FBN3: variants seen among roughly 807,000 people sequenced by gnomAD.
The protein encoded by FBN3 is fibrillin-3.
Under a neutral mutation model 330.1 loss-of-function variants are expected in FBN3, and 234 were observed. That is an observed-to-expected ratio of 0.71 (90% CI 0.64 to 0.79). The LOEUF (loss-of-function observed/expected upper bound fraction) is 0.79. Ranked by LOEUF, FBN3 falls within the 30% of genes least tolerant of loss-of-function variation. The pLI is 0.00. For synonymous variants in FBN3, 1,458 were observed against 1,517.3 expected (o/e 0.96, Z 0.91); for missense variants, 3,606 against 3,886.9 (o/e 0.93, Z 1.92).
At position 8,115,588 on chromosome 19, in the gene FBN3, C is replaced by A. The variant is rs1176922994; in HGVS notation, c.3765G>T (p.Glu1255Asp). 1 of 1,614,106 alleles carries A rather than the reference C, an allele frequency of 6.2e-7. No homozygotes were observed. Among genetic ancestry groups the A allele is most frequent in the Non-Finnish European group, 8.5e-7 (1 of 1,180,014 alleles). Residue 1255 changes from glutamate to aspartate, a missense_variant, in exon 30 of 64, where the codon GAG (glutamate) becomes GAT (aspartate). Glu to Asp is a conservative substitution (Grantham distance 45, BLOSUM62 2). Coordinates refer to ENST00000600128, the MANE Select transcript of FBN3 (RefSeq NM_032447.5). ...GGCAGACAAAGGAACCCTTCGTGTT[C>A]TCGCAGTCCCCATGGAGGCAGATGT... ...NPHICLHGDC[E>D]NTKGSFVCHC...
chr19:8,075,228 G>C, intron 60 of FBN3, 38 bp from the exon 61 acceptor site: 1 of 1,577,058 alleles, frequency 6.3e-7, no homozygotes, highest in South Asian at 1.2e-5. Context: ...TTTACCAGAC[G>C]GCTCTCAGGA....
rs753776339 is a variant in FBN3, at chr19:8,116,823, G to A, written c.3587-24C>T. 2.1e-5 allele frequency: 34 copies of A among 1,609,750 alleles called. No homozygotes were observed. The South Asian group carries it at 3.0e-4, about 14-fold the overall frequency. On this transcript the variant is annotated intron_variant, in intron 28 of 63. Coordinates refer to ENST00000600128, the MANE Select transcript of FBN3 (RefSeq NM_032447.5). The stretch of plus-strand genomic sequence containing the variant: ...GTCTGGGGGAGCAGGGTTGGGGACT[G>A]TGCTTAGCTTTGCCCTGATAGACCA...
At chr19:8,147,659 AGAG>A in intron 1 of FBN3, 162 bp from the exon 2 acceptor site, 1 of 499,214 alleles carries the variant, frequency 2.0e-6, no homozygotes, top group East Asian at 3.3e-5. Context: ...GTGAACAGTC[AGAG>A]GAGGCTTCCT....
At chr19:8,085,592 C>T (rs937189087) in intron 55 of FBN3, 23 bp from the exon 56 acceptor site, 1 of 1,512,332 alleles carries the variant, frequency 6.6e-7, no homozygotes. Context: ...ATGGGAAAGA[C>T]AACGGTCACT....
chr19:8,087,951 G>A lies in FBN3; in HGVS notation c.6497-4C>T, dbSNP rs777934814. On this transcript the variant is annotated splice_polypyrimidine_tract_variant and splice_region_variant and intron_variant, in intron 52 of 63. Coordinates refer to ENST00000600128, the MANE Select transcript of FBN3 (RefSeq NM_032447.5). ...TTCAGGGAGCATTCGTCGATGTCTG[G>A]GGAGGCCAGTGGAGGTGCCAGCTGG... The A allele has an allele frequency of 1.2e-6, 2 of 1,614,102 alleles. No homozygotes were observed. The highest frequency in any genetic ancestry group is 1.7e-6 in the Non-Finnish European group (2 of 1,180,020).
intron 51 of FBN3, among the ~76,000 whole-genome samples, 162 bp downstream of exon 51, chr19:8,089,379 TAATG>T (rs1309949388): frequency 2.6e-5 from 4 of 152,038 alleles, no homozygotes; most frequent in Non-Finnish European, 4.4e-5. Flanking sequence ...GCAAGTGAAT[TAATG>T]AGTGAATGAA....
intron 57 of FBN3, among the ~76,000 whole-genome samples, chr19:8,082,273 C>T (rs959322064): frequency 1.2e-4 from 18 of 149,454 alleles, no homozygotes; most frequent in Admixed American, 3.3e-4. Context: ...ACTTGGCCTT[C>T]CTTCCCTTCC....
At chr19:8,105,902 C>T (rs1187170810) in intron 38 of FBN3, among the ~76,000 whole-genome samples, 1 of 152,136 alleles carries the variant, frequency 6.6e-6, no homozygotes, top group African/African-American at 2.4e-5. Context: ...GGTCTATCTA[C>T]CATCCCCCAC....
intron 6 of FBN3, among the ~76,000 whole-genome samples, chr19:8,142,993 C>G (rs78539876): frequency 0.26 from 39,235 of 151,544 alleles, 5,323 homozygotes; most frequent in South Asian, 0.47. Flanking sequence ...TTCTAGTCCC[C>G]GGGTCGTGCC....
At chr19:8,119,490 C>T (rs983211054) in intron 25 of FBN3, among the ~76,000 whole-genome samples, 2 of 152,126 alleles carry the variant, frequency 1.3e-5, no homozygotes, top group African/African-American at 2.4e-5. Flanking sequence ...TTTTCACCCC[C>T]ACTCCATTCT....
intron 6 of FBN3, among the ~76,000 whole-genome samples, chr19:8,142,827 A>C (rs1280619006): frequency 5.4e-4 from 37 of 68,766 alleles, no homozygotes; most frequent in Non-Finnish European, 8.7e-4. Context: ...CTGATGCCCC[A>C]AGCCAAAACG....
chr19:8,073,826 T>C (rs1281583021), intron 61 of FBN3, among the ~76,000 whole-genome samples: 2 of 152,186 alleles, frequency 1.3e-5, no homozygotes, highest in East Asian at 1.9e-4. Flanking sequence ...ACTACAGGTG[T>C]GCACCAACAT....
chr19:8,069,448 G>C (rs905340648), intron 63 of FBN3, among the ~76,000 whole-genome samples: 4 of 151,792 alleles, frequency 2.6e-5, no homozygotes, highest in Non-Finnish European at 1.5e-5. Flanking sequence ...GTGTTTTGCT[G>C]TTGCATTCAA....
chr19:8,076,241 C>CGTGCGTGTGT (rs2081636653), intron 59 of FBN3, among the ~76,000 whole-genome samples: 2 of 69,222 alleles, frequency 2.9e-5, no homozygotes, highest in Non-Finnish European at 5.5e-5. Context: ...ATGGGTTGTC[C>CGTGCGTGTGT]GTGTGCGTGT....
In FBN3 at chr19:8,138,570, A is replaced by G; in HGVS notation, c.866-6T>C. On this transcript the variant is annotated splice_polypyrimidine_tract_variant and splice_region_variant and intron_variant, in intron 8 of 63. Transcript: ENST00000600128. Reference sequence around the variant, plus strand: ...GCAGGCGCCGGCCCGGTAGTCTGCAAAAGATCAGAGGGTGAGCCCATGAGC... The same window carrying G: ...GCAGGCGCCGGCCCGGTAGTCTGCAGAAGATCAGAGGGTGAGCCCATGAGC... 9.4e-6 allele frequency: 15 copies of G among 1,601,866 alleles called. No individual in the cohort carries two copies. The highest frequency in any genetic ancestry group is 1.2e-5 in the Non-Finnish European group (14 of 1,175,876).
Position 8,075,170 on chromosome 19 carries a change from G to A in FBN3, c.7603C>T (p.Pro2535Ser), listed in dbSNP as rs1568355723. ...GCEDVNECDG[P>S]HRCQHGCQNQ... ...TGACAGCCATGCTGGCAGCGGTGGG[G>A]CCCATCACATTCATTCACATCTGAG... The change falls in exon 61 of 64, where the codon CCC (proline) becomes TCC (serine). Residue 2535 changes from proline to serine, a missense_variant. Coordinates refer to ENST00000600128, the MANE Select transcript of FBN3 (RefSeq NM_032447.5). 3 of 1,569,910 alleles carry A rather than the reference G, an allele frequency of 1.9e-6. No individual in the cohort carries two copies. Among genetic ancestry groups the A allele is most frequent in the Non-Finnish European group, 2.6e-6 (3 of 1,155,818 alleles).
rs1290494749 is a variant in FBN3, at chr19:8,087,338, A to G, written c.6620-127T>C. 3.7e-6 allele frequency: 4 copies of G among 1,081,968 alleles called. 1 individual carries two copies. Among genetic ancestry groups the G allele is most frequent in the Non-Finnish European group, 5.1e-6 (4 of 790,570 alleles). 67.0% of individuals were successfully genotyped at this position (1,081,968 alleles called of 1,614,324 possible). On this transcript the variant is annotated intron_variant, in intron 53 of 63. Transcript: ENST00000600128. ...TCCCTGCAGACCCTGTCAAATGTCT[A>G]TCCCTCTTAGGAAGGGAGCCCCCAG...
intron 29 of FBN3, among the ~76,000 whole-genome samples, chr19:8,116,121 C>G (rs2082699235): frequency 6.6e-6 from 1 of 152,158 alleles, no homozygotes; most frequent in South Asian, 2.1e-4. Context: ...TTAAGCTTCA[C>G]TCGGTTTCTT....
Position 8,108,232 on chromosome 19 carries a change from T to C in FBN3, c.4625A>G (p.Tyr1542Cys). 6.2e-7 allele frequency: 1 copy of C among 1,610,486 alleles called. No homozygotes were observed. Among genetic ancestry groups the C allele is most frequent in the Non-Finnish European group, 8.5e-7 (1 of 1,178,780 alleles). ...CTCACCACCCGGGCACAGGGTTCTG[T>C]ACTCAGCTGTAAAGGGAAACAGGCT... ...ELCPMANTTE[Y>C]RTLCPGGEGF... Residue 1542 changes from tyrosine to cysteine, a missense_variant, in exon 37 of 64, where the codon TAC (tyrosine) becomes TGC (cysteine). Tyr to Cys is a radical substitution (Grantham distance 194). Coordinates refer to ENST00000600128, the MANE Select transcript of FBN3 (RefSeq NM_032447.5).
Sources: gnomAD v4.1 joint callset for allele counts (sites outside exome capture counted in the v4.1 genomes callset) on GRCh38, gnomAD v4.1.1 for gene constraint, MANE v1.5 for transcripts, NCBI Gene and HGNC (gene_info 2026-07-23, HGNC 2026-07-21) for gene names.